LRRN4: variants seen among roughly 807,000 people sequenced by gnomAD.
The protein encoded by LRRN4 is leucine rich repeat neuronal 4, also known as leucine-rich repeat neuronal protein 4.
Under a neutral mutation model 22.3 loss-of-function variants are expected in LRRN4, and 26 were observed. The ratio of observed to expected loss-of-function variants is 1.16; its 90% CI spans 0.85 to 1.62. The LOEUF (loss-of-function observed/expected upper bound fraction) is 1.62. Among genes scored for constraint, LRRN4 ranks in the 40% most tolerant of loss-of-function variants. The pLI, the probability that LRRN4 is intolerant of heterozygous loss-of-function variation, is 0.00. For synonymous variants in LRRN4, 496 were observed against 486.2 expected, an observed-to-expected ratio of 1.02 and a Z score of -0.26; for missense variants, 1,070 against 1,008.5, an observed-to-expected ratio of 1.06 and a Z score of -0.83.
chr20:6,051,737 C>A (rs986884908), intron 2 of LRRN4, among the ~76,000 whole-genome samples: 1 of 152,184 alleles, frequency 6.6e-6, no homozygotes, highest in Non-Finnish European at 1.5e-5. Context: ...TTTTTCCATT[C>A]ATCAGCCCCA....
At chr20:6,043,036 G>T (rs1017096613) in intron 4 of LRRN4, among the ~76,000 whole-genome samples, 2 of 152,094 alleles carry the variant, frequency 1.3e-5, no homozygotes, top group South Asian at 4.1e-4. Context: ...TACTTTTGCA[G>T]TAGACTCTAT....
rs1348703152 is a variant in LRRN4, at chr20:6,041,138, C to G, written c.2107G>C (p.Ala703Pro). 10 of 1,609,134 alleles carry G rather than the reference C, an allele frequency of 6.2e-6. No homozygotes were observed. Among genetic ancestry groups the G allele is most frequent in the Non-Finnish European group, 8.5e-6 (10 of 1,177,914 alleles). Residue 703 changes from alanine to proline, a missense_variant, in exon 5 of 5, where the codon GCA becomes CCA. Coordinates refer to ENST00000378858, the MANE Select transcript of LRRN4 (RefSeq NM_152611.5). The surrounding 1 kb of genome is among the most constrained non-coding windows in gnomAD (Gnocchi z 9.4). ...GTCTGGCCCCGCCTGCAGAGACATG[C>G]GGACAGCACCACGGTGCTGGCGAGC... Reference protein sequence around the residue: ...LLLASTVVLSACLCRRGQTLG... With the variant: ...LLLASTVVLSPCLCRRGQTLG...
Position 6,044,591 on chromosome 20 carries a change from C to T in LRRN4, c.950G>A (p.Cys317Tyr). 6.3e-7 allele frequency: 1 copy of T among 1,593,744 alleles called. No individual in the cohort carries two copies. The highest frequency in any genetic ancestry group is 8.5e-7 in the Non-Finnish European group (1 of 1,170,200). Residue 317 changes from cysteine to tyrosine, a missense_variant, in exon 4 of 5, where the codon TGT becomes TAT. By Grantham distance (194) the Cys-to-Tyr change is radical. Coordinates refer to ENST00000378858, the MANE Select transcript of LRRN4 (RefSeq NM_152611.5). ...ATCCGTGAGGAGCCAAGACAAGTCA[C>T]AACTGCAAGTGAGGGGGTTGCCAAA... ...NLFGNPLTCS[C>Y]DLSWLLTDAK...
At chr20:6,051,458 C>T (rs1286983269) in intron 2 of LRRN4, among the ~76,000 whole-genome samples, 1 of 152,174 alleles carries the variant, frequency 6.6e-6, no homozygotes, top group African/African-American at 2.4e-5. Context: ...TGCCCCTTCC[C>T]CTCGGTATTC....
At position 6,052,569 on chromosome 20, in the gene LRRN4, C is replaced by T. The variant is rs1480937796; in HGVS notation, c.231G>A (p.Leu77=). The T allele has an allele frequency of 6.3e-7, 1 of 1,580,598 alleles. No individual in the cohort carries two copies. The highest frequency in any genetic ancestry group is 1.3e-5 in the African/African-American group (1 of 74,696). The change falls in exon 2 of 5, where the codon CTG becomes CTA. Residue 77 remains leucine, a synonymous_variant. Coordinates refer to ENST00000378858, the MANE Select transcript of LRRN4 (RefSeq NM_152611.5). ...ERLPGCLPRT[L]RSLDASHNLL... ...GGTTGTGGCTGGCGTCGAGGCTGCG[C>T]AGTGTGCGCGGTAGGCAGCCGGGCA...
Position 6,052,827 on chromosome 20 carries a change from C to T in LRRN4, c.-5-23G>A, listed in dbSNP as rs1314440618. 4 of 1,530,260 alleles carry T rather than the reference C, an allele frequency of 2.6e-6. No homozygotes were observed. The East Asian group carries it at 9.6e-5, about 37-fold the overall frequency. 94.8% of individuals were successfully genotyped at this position (1,530,260 alleles called of 1,614,324 possible). A position where few individuals can be genotyped will look rare whatever the true frequency, so the allele number is the denominator to read the frequency against. On this transcript the variant is annotated intron_variant, in intron 1 of 4. Coordinates refer to ENST00000378858, the MANE Select transcript of LRRN4 (RefSeq NM_152611.5). ...CGTCTGGGGAGAGAACAGCAGGACG[C>T]CCATCAAATCCACAGGAACCCCCGC...
chr20:6,041,626 G>A lies in LRRN4; in HGVS notation c.1619C>T (p.Thr540Met), dbSNP rs1177439665. Reference sequence around the variant, plus strand: ...ATCACAGGGGACGTCCTGGTGAGGCGTTCCCACCTCCTCCTTCCTCCCTTC... The same window carrying A: ...ATCACAGGGGACGTCCTGGTGAGGCATTCCCACCTCCTCCTTCCTCCCTTC... ...EEEGRKEEVG[T>M]PHQDVPCDYH... is the part of the protein sequence containing the mutation. Residue 540 changes from threonine to methionine, a missense_variant, in exon 5 of 5, where the codon ACG (threonine) becomes ATG (methionine). Thr to Met is a moderately conservative substitution (Grantham distance 81). Transcript: ENST00000378858. The surrounding 1 kb of genome is among the most constrained non-coding windows in gnomAD (Gnocchi z 9.4). 5 of 1,594,338 alleles carry A rather than the reference G, an allele frequency of 3.1e-6. No homozygotes were observed. The highest frequency in any genetic ancestry group is 3.4e-6 in the Non-Finnish European group (4 of 1,169,122).
rs1295386685 is a variant in LRRN4, at chr20:6,041,749, G to C, written c.1496C>G (p.Pro499Arg). The C allele has an allele frequency of 6.2e-7, 1 of 1,613,854 alleles. No homozygotes were observed. Among genetic ancestry groups the C allele is most frequent in the African/African-American group, 1.3e-5 (1 of 74,920 alleles). ...SWDRSISSPQ[P>R]GQRTHATPQA... ...GGGTGTGGCGTGTGTCCTCTGGCCG[G>C]GCTGAGGCGAGCTTATGCTGCGGTC... Residue 499 changes from proline to arginine, a missense_variant, in exon 5 of 5, where the codon CCC (proline) becomes CGC (arginine). By Grantham distance (103) the Pro-to-Arg change is moderately radical. Coordinates refer to ENST00000378858, the MANE Select transcript of LRRN4 (RefSeq NM_152611.5). The surrounding 1 kb of genome is among the most constrained non-coding windows in gnomAD (Gnocchi z 9.4).
At position 6,052,243 on chromosome 20, in the gene LRRN4, G is replaced by T; in HGVS notation, c.557C>A (p.Ala186Asp). ...CGCCGCCTCGGCGATGCCCCCCTGG[G>T]CTCCGCGACCCAGCGCGGTGCAGGA... ...NLSCTALGRGAQGGIAEAAFA... is the reference protein window; with the variant it reads ...NLSCTALGRGDQGGIAEAAFA... Residue 186 changes from alanine to aspartate, a missense_variant, in exon 2 of 5, where the codon GCC (alanine) becomes GAC (aspartate). Coordinates refer to ENST00000378858, the MANE Select transcript of LRRN4 (RefSeq NM_152611.5). 6.4e-7 allele frequency: 1 copy of T among 1,564,858 alleles called. No individual in the cohort carries two copies. Among genetic ancestry groups the T allele is most frequent in the Non-Finnish European group, 8.7e-7 (1 of 1,155,816 alleles).
Position 6,052,770 on chromosome 20 carries a change from C to T in LRRN4, c.30G>A (p.Leu10=). 6.4e-7 allele frequency: 1 copy of T among 1,572,982 alleles called. No homozygotes were observed. The highest frequency in any genetic ancestry group is 1.1e-5 in the South Asian group (1 of 86,980). MRQTLPLLL[L]TVLRPSWADP... ...CTGCCCAGCTGGGGCGCAGCACCGT[C>T]AGCAGCAGCAGCGGTAGGGTTTGCC... The change falls in exon 2 of 5, where the codon CTG becomes CTA. Residue 10 remains leucine (L), a synonymous_variant. Transcript: ENST00000378858.
chr20:6,047,438 A>T (rs543723598), intron 3 of LRRN4, among the ~76,000 whole-genome samples: 8,266 of 147,650 alleles, frequency 0.056, 304 homozygotes, highest in African/African-American at 0.096. Flanking sequence ...ACACACACAC[A>T]CACACACACA....
Position 6,052,675 on chromosome 20 carries a change from T to G in LRRN4, c.125A>C (p.Asn42Thr). 1 of 1,576,838 alleles carries G rather than the reference T, an allele frequency of 6.3e-7. No individual in the cohort carries two copies. The highest frequency in any genetic ancestry group is 1.1e-5 in the South Asian group (1 of 87,720). The change falls in exon 2 of 5, where the codon AAC becomes ACC. Residue 42 changes from asparagine (N) to threonine (T), a missense_variant. Coordinates refer to ENST00000378858, the MANE Select transcript of LRRN4 (RefSeq NM_152611.5). ...CCCCTCGCAGGGCGAGTCGGTGGCG[T>G]TGCTGCCACTGCTCCCCCAGGGGCC... ...QQGPWGSSGS[N>T]ATDSPCEGLP...
At chr20:6,044,507 C>G (rs1981056188) in intron 4 of LRRN4, 36 bp downstream of exon 4, 7 of 1,436,184 alleles carry the variant, frequency 4.9e-6, no homozygotes, top group African/African-American at 1.4e-5. Flanking sequence ...AAGGCTGACC[C>G]TCTGCCCTCA....
At chr20:6,051,642 C>T (rs1377120366) in intron 2 of LRRN4, among the ~76,000 whole-genome samples, 2 of 152,198 alleles carry the variant, frequency 1.3e-5, no homozygotes, top group Non-Finnish European at 2.9e-5. Flanking sequence ...TTCACAGAAA[C>T]TATTTTGCCC....
chr20:6,052,953 G>A lies in LRRN4; in HGVS notation c.-5-149C>T, dbSNP rs952639681. 4 of 844,662 alleles carry A rather than the reference G, an allele frequency of 4.7e-6. No homozygotes were observed. The Admixed American group carries it at 8.8e-5, about 19-fold the overall frequency. 52.3% of individuals were successfully genotyped at this position (844,662 alleles called of 1,614,324 possible). A position where few individuals can be genotyped will look rare whatever the true frequency, so the allele number is the denominator to read the frequency against. On this transcript the variant is annotated intron_variant, in intron 1 of 4. Coordinates refer to ENST00000378858, the MANE Select transcript of LRRN4 (RefSeq NM_152611.5). Reference sequence around the variant, plus strand: ...AGGGCGGGGAGACGTTCCCAGAGTCGCCTAGTGTGCAGTGACCTCTCCCCT... The same window carrying A: ...AGGGCGGGGAGACGTTCCCAGAGTCACCTAGTGTGCAGTGACCTCTCCCCT...
intron 2 of LRRN4, 151 bp downstream of exon 2, chr20:6,051,994 C>A (rs896947401): frequency 2.0e-6 from 2 of 981,870 alleles, no homozygotes; most frequent in East Asian, 5.9e-5. Flanking sequence ...CCCGCTTGCT[C>A]GAAAAATGTA....
chr20:6,041,448 G>C lies in LRRN4; in HGVS notation c.1797C>G (p.His599Gln), dbSNP rs747045749. Residue 599 changes from histidine (H) to glutamine (Q), a missense_variant, in exon 5 of 5, where the codon CAC (histidine) becomes CAG (glutamine). Physicochemically the swap from His to Gln is conservative, Grantham distance 24. Transcript: ENST00000378858. The surrounding 1 kb of genome is among the most constrained non-coding windows in gnomAD (Gnocchi z 9.4). ...GCACTACCGAGTTGGGGGCACACCA[G>C]TGGACCAGCGCCGACGTGTCCGTGG... ...TETTDTSALV[H>Q]WCAPNSVVHG... 3.2e-6 allele frequency: 5 copies of C among 1,554,838 alleles called. No homozygotes were observed. In the African/African-American group the frequency reaches 6.8e-5, roughly 21 times the overall value.
At position 6,040,966 on chromosome 20, in the gene LRRN4, T is replaced by G; in HGVS notation, c.*56A>C. ...ATGGGGTCGTTTTTGACCGTCTGTG[T>G]CTTCCTTTTTGCGCTCAGATCCAGT... is the stretch of plus-strand genomic sequence containing the variant. On this transcript the variant is annotated 3_prime_UTR_variant, in exon 5 of 5. Coordinates refer to ENST00000378858, the MANE Select transcript of LRRN4 (RefSeq NM_152611.5). 1 of 1,601,576 alleles carries G rather than the reference T, an allele frequency of 6.2e-7. No homozygotes were observed. Among genetic ancestry groups the G allele is most frequent in the Non-Finnish European group, 8.5e-7 (1 of 1,174,460 alleles).
At position 6,052,689 on chromosome 20, in the gene LRRN4, C is replaced by T. The variant is rs746200352; in HGVS notation, c.111G>A (p.Gly37=). Residue 37 remains glycine (G), a synonymous_variant, in exon 2 of 5, where the codon GGG becomes GGA. Coordinates refer to ENST00000378858, the MANE Select transcript of LRRN4 (RefSeq NM_152611.5). The part of the protein sequence containing the change: ...LFRVTQQGPW[G]SSGSNATDSP... Reference sequence around the variant, plus strand: ...AGTCGGTGGCGTTGCTGCCACTGCTCCCCCAGGGGCCCTGCTGAGTGACCC... The same window carrying T: ...AGTCGGTGGCGTTGCTGCCACTGCTTCCCCAGGGGCCCTGCTGAGTGACCC... 4 of 1,572,086 alleles carry T rather than the reference C, an allele frequency of 2.5e-6. No individual in the cohort carries two copies. Among genetic ancestry groups the T allele is most frequent in the Non-Finnish European group, 3.4e-6 (4 of 1,166,530 alleles).
Sources: allele counts gnomAD v4.1 joint callset (sites outside exome capture counted in the v4.1 genomes callset), GRCh38; gene constraint gnomAD v4.1.1; non-coding constraint Gnocchi (gnomAD v3.1); transcripts MANE v1.5; gene names NCBI Gene and HGNC (gene_info 2026-07-23, HGNC 2026-07-21).